The following GLO1 variants were observed in gnomAD, a reference collection of about 807,000 sequenced individuals.
GLO1 encodes the protein glyoxalase I, also known as lactoylglutathione lyase.
In GLO1, 28 loss-of-function variants were observed where a neutral mutation model predicts 26.0. That is an observed-to-expected ratio of 1.08 (90% CI 0.80 to 1.48). The LOEUF is 1.48. Ranked by LOEUF, GLO1 falls within the 40% of genes most tolerant of loss-of-function variation. The pLI is 0.00. For synonymous variants in GLO1, 78 were observed against 77.6 expected (o/e 1.00, Z -0.03); for missense variants, 225 against 224.8 (o/e 1.00, Z -0.01).
intron 5 of GLO1, among the ~76,000 whole-genome samples, chr6:38,679,371 C>T (rs1761331815): frequency 6.6e-6 from 1 of 152,162 alleles, no homozygotes; most frequent in South Asian, 2.1e-4. Flanking sequence ...AATCATAGCT[C>T]ACTGCAGCCT....
At chr6:38,701,007 A>G (rs1562493074) in intron 1 of GLO1, among the ~76,000 whole-genome samples, 1 of 152,094 alleles carries the variant, frequency 6.6e-6, no homozygotes, top group African/African-American at 2.4e-5. Flanking sequence ...TCGAACTGCT[A>G]ACCTCAGGTG....
chr6:38,699,528 C>T (rs540007341), intron 1 of GLO1, among the ~76,000 whole-genome samples: 1 of 152,164 alleles, frequency 6.6e-6, no homozygotes, highest in South Asian at 2.1e-4. Flanking sequence ...TTGCAGAGAG[C>T]CTATAAACGG....
At chr6:38,678,445 A>T (rs1761310752) in intron 5 of GLO1, among the ~76,000 whole-genome samples, 1 of 150,994 alleles carries the variant, frequency 6.6e-6, no homozygotes, top group Admixed American at 6.6e-5. Context: ...GGAAAGAAAG[A>T]AAGAAACCCG....
At chr6:38,693,658 G>GCTCTCTCTCTCTCTCT (rs71543936) in intron 1 of GLO1, among the ~76,000 whole-genome samples, 80 of 127,580 alleles carry the variant, frequency 6.3e-4, no homozygotes, top group Non-Finnish European at 8.7e-4. Context: ...TTTTCATTCA[G>GCTCTCTCTCTCTCTCT]CTCTCTCTCT....
chr6:38,697,135 G>A (rs747804077), intron 1 of GLO1, among the ~76,000 whole-genome samples: 3 of 152,014 alleles, frequency 2.0e-5, no homozygotes, highest in Non-Finnish European at 4.4e-5. Context: ...GGCTGGTCTC[G>A]AACTCCTGAC....
At chr6:38,677,737 G>T (rs1761282377) in intron 5 of GLO1, among the ~76,000 whole-genome samples, 1 of 152,110 alleles carries the variant, frequency 6.6e-6, no homozygotes, top group Non-Finnish European at 1.5e-5. Context: ...ATTAATTAAA[G>T]ATTTACTTTG....
chr6:38,696,136 G>A (rs1055862595), intron 1 of GLO1, among the ~76,000 whole-genome samples: 1 of 152,126 alleles, frequency 6.6e-6, no homozygotes, highest in African/African-American at 2.4e-5. Context: ...TTATACAACT[G>A]CCTCCCACAA....
At chr6:38,691,552 C>T (rs1761531580) in intron 1 of GLO1, among the ~76,000 whole-genome samples, 1 of 152,022 alleles carries the variant, frequency 6.6e-6, no homozygotes, top group South Asian at 2.1e-4. Flanking sequence ...TGTGGTCCAC[C>T]CGCCTTGACC....
rs947348021 is a variant in GLO1, at chr6:38,703,117, C to T, written c.-63G>A. 8.2e-6 allele frequency: 8 copies of T among 969,820 alleles called. No individual in the cohort carries two copies. The highest frequency in any genetic ancestry group is 1.3e-5 in the Non-Finnish European group (8 of 627,488). The allele number at this position is 969,820 out of a possible 1,614,324, so 60.1% of individuals were successfully genotyped here. The stretch of plus-strand genomic sequence containing the variant: ...AACGGAGGAGTCACCCACACTACGC[C>T]TCGGCCCTGTGCCGCCTTAACTAGG... On this transcript the variant is annotated 5_prime_UTR_variant, in exon 1 of 6. Transcript: ENST00000373365.
At chr6:38,684,168 GTC>G (rs1315743361) in intron 3 of GLO1, among the ~76,000 whole-genome samples, 1 of 152,014 alleles carries the variant, frequency 6.6e-6, no homozygotes, top group African/African-American at 2.4e-5. Context: ...CAGAGAGCCT[GTC>G]TCTAAAAAAA....
At chr6:38,689,949 C>G (rs540404422) in intron 1 of GLO1, among the ~76,000 whole-genome samples, 4 of 151,978 alleles carry the variant, frequency 2.6e-5, no homozygotes, top group African/African-American at 9.7e-5. Context: ...CTCAGCCTCC[C>G]GAGTAGCTGG....
chr6:38,703,031 G>A lies in GLO1; in HGVS notation c.24C>T (p.Ser8=). 2 of 1,592,166 alleles carry A rather than the reference G, an allele frequency of 1.3e-6. No homozygotes were observed. The highest frequency in any genetic ancestry group is 2.2e-5 in the East Asian group (1 of 44,450). Residue 8 remains serine, a synonymous_variant, in exon 1 of 6, where the codon TCC becomes TCT. Coordinates refer to ENST00000373365, the MANE Select transcript of GLO1 (RefSeq NM_006708.3). MAEPQPP[S]GGLTDEAALS... ...GGGCGGCCTCGTCCGTGAGGCCGCC[G>A]GACGGGGGCTGCGGTTCTGCCATGG...
chr6:38,686,570 CT>C (rs1296380556), intron 2 of GLO1, among the ~76,000 whole-genome samples: 7 of 152,166 alleles, frequency 4.6e-5, no homozygotes, highest in African/African-American at 1.7e-4. Flanking sequence ...TATAACTTTT[CT>C]GAAGTAAACA....
chr6:38,682,301 T>C (rs1429602868), intron 4 of GLO1, among the ~76,000 whole-genome samples, 200 bp from the exon 5 acceptor site: 1 of 152,224 alleles, frequency 6.6e-6, no homozygotes, highest in Non-Finnish European at 1.5e-5. Context: ...AGTTAATTAG[T>C]TGCCTTGAAT....
intron 4 of GLO1, 114 bp from the exon 5 acceptor site, chr6:38,682,215 G>A: frequency 1.4e-6 from 1 of 707,402 alleles, no homozygotes; most frequent in Non-Finnish European, 2.6e-6. Context: ...TAAGGCACTT[G>A]GGAACAGACT....
At chr6:38,688,183 T>C (rs1761481452) in intron 1 of GLO1, among the ~76,000 whole-genome samples, 1 of 152,186 alleles carries the variant, frequency 6.6e-6, no homozygotes. Context: ...AATTAAATTC[T>C]TTATTCGCAG....
chr6:38,679,020 CA>C (rs57574035), intron 5 of GLO1, among the ~76,000 whole-genome samples: 82,378 of 151,758 alleles, frequency 0.54, 22,561 homozygotes, highest in African/African-American at 0.57. Context: ...AGCTCAGAGG[CA>C]AAAAATAATA....
chr6:38,686,735 C>T (rs1164452082), intron 2 of GLO1, among the ~76,000 whole-genome samples, 157 bp downstream of exon 2: 3 of 152,152 alleles, frequency 2.0e-5, no homozygotes, highest in East Asian at 1.9e-4. Context: ...AAAGAACTTA[C>T]GAGAGAAGCC....
At chr6:38,684,264 A>T (rs2490025) in intron 3 of GLO1, 110 bp downstream of exon 3, 5 of 409,670 alleles carry the variant, frequency 1.2e-5, no homozygotes, top group East Asian at 7.8e-5. Context: ...ATGTGAAGTC[A>T]TAGGCAGATC....
Sources: allele counts gnomAD v4.1 joint callset (sites outside exome capture counted in the v4.1 genomes callset), GRCh38; gene constraint gnomAD v4.1.1; transcripts MANE v1.5; gene names NCBI Gene and HGNC (gene_info 2026-07-23, HGNC 2026-07-21).